Variants in SLC35A3 observed in about 807,000 individuals in gnomAD.
SLC35A3 encodes UDP-N-acetylglucosamine transporter.
A neutral mutation model predicts 39.0 loss-of-function variants in SLC35A3; 26 were observed. The observed-to-expected ratio is 0.67, with a 90% CI of 0.49 to 0.92. SLC35A3 has a LOEUF of 0.92. SLC35A3 is among the 40% of genes least tolerant of loss of function. SLC35A3 has a pLI of 0.00. For missense variants in SLC35A3, 299 were observed against 371.6 expected, an observed-to-expected ratio of 0.80 and a Z score of 1.61; for synonymous variants, 135 against 133.1, an observed-to-expected ratio of 1.01 and a Z score of -0.10.
chr1:100,015,208 A>T, intron 5 of SLC35A3, 94 bp from the exon 6 acceptor site: 46 of 1,109,976 alleles, frequency 4.1e-5, no homozygotes, highest in Non-Finnish European at 5.5e-5. Context: ...AAAAAGAAAA[A>T]GTTAAGTGTA....
At position 99,994,327 on chromosome 1, in the gene SLC35A3, T is replaced by A. The variant is rs1282042281; in HGVS notation, c.187+586T>A. 2.0e-5 allele frequency among the ~76,000 whole-genome samples: 3 copies of A among 152,254 alleles called. No homozygotes were observed. In the East Asian group the frequency reaches 5.8e-4, roughly 29 times the overall value. Reference sequence around the variant, plus strand: ...TTACAGTGTTGTACAACAGTGTAAATTTTTAAATCACTTTTATCTAAAATT... The same window carrying A: ...TTACAGTGTTGTACAACAGTGTAAAATTTTAAATCACTTTTATCTAAAATT... On this transcript the variant is annotated intron_variant, in intron 2 of 7. Coordinates refer to ENST00000533028, the MANE Select transcript of SLC35A3 (RefSeq NM_012243.3).
At chr1:100,012,309 G>T (rs1659721903) in intron 5 of SLC35A3, among the ~76,000 whole-genome samples, 1 of 152,004 alleles carries the variant, frequency 6.6e-6, no homozygotes, top group African/African-American at 2.4e-5. Flanking sequence ...CAGAGAAAAA[G>T]AAAGAAATAA....
chr1:100,015,592 A>G (rs775079790), intron 6 of SLC35A3, 172 bp downstream of exon 6: 1 of 651,860 alleles, frequency 1.5e-6, no homozygotes. Context: ...GCTGTAATGA[A>G]ATCTTATTTT....
chr1:99,970,749 G>A (rs751301707), intron 1 of SLC35A3: 2 of 737,234 alleles, frequency 2.7e-6, no homozygotes, highest in Non-Finnish European at 4.3e-6. Context: ...CTTTTATTAT[G>A]TTCTCTTAAA....
intron 4 of SLC35A3, chr1:100,009,003 C>G (rs1659438568): frequency 6.6e-6 from 1 of 152,038 alleles, no homozygotes; most frequent in Non-Finnish European, 1.5e-5. Context: ...ACAGATGACT[C>G]CTGGGAAATC....
At chr1:99,988,461 G>T (rs1419867917) in intron 1 of SLC35A3, among the ~76,000 whole-genome samples, 5 of 151,890 alleles carry the variant, frequency 3.3e-5, no homozygotes, top group African/African-American at 2.4e-5. Flanking sequence ...TTTCATTTCT[G>T]ATTTTACAAA....
At chr1:100,016,114 G>C (rs571962620) in intron 6 of SLC35A3, among the ~76,000 whole-genome samples, 1 of 150,156 alleles carries the variant, frequency 6.7e-6, no homozygotes, top group East Asian at 2.0e-4. Flanking sequence ...CACCAGGCTG[G>C]AGTGCAGTGG....
At chr1:99,998,484 A>T (rs1007854354) in intron 2 of SLC35A3, among the ~76,000 whole-genome samples, 2 of 152,094 alleles carry the variant, frequency 1.3e-5, no homozygotes, top group African/African-American at 4.8e-5. Context: ...GAGTGGGTTC[A>T]TTTGCTTCTA....
intron 7 of SLC35A3, among the ~76,000 whole-genome samples, chr1:100,020,749 G>C (rs1002194213): frequency 2.0e-5 from 3 of 152,118 alleles, no homozygotes; most frequent in Non-Finnish European, 4.4e-5. Flanking sequence ...GTTCTGCCTA[G>C]GGGAGTGAGT....
Position 100,026,342 on chromosome 1 carries a change from CATCTT to C in SLC35A3, c.*3868_*3872del, listed in dbSNP as rs1435418730. 6.6e-6 allele frequency: 1 copy of C among 151,994 alleles called. No individual in the cohort carries two copies. Among genetic ancestry groups the C allele is most frequent in the Non-Finnish European group, 1.5e-5 (1 of 67,998 alleles). The allele number at this position is 151,994 out of a possible 1,614,324, so 9.4% of individuals were successfully genotyped here. On this transcript the variant is annotated 3_prime_UTR_variant, in exon 8 of 8. Coordinates refer to ENST00000533028, the MANE Select transcript of SLC35A3 (RefSeq NM_012243.3). The stretch of plus-strand genomic sequence containing the variant: ...AAGTTATTTATGCTATATTGAAAGT[CATCTT>C]AAGAATCTCCAGGTTATTTAAAGTA...
rs1660945815 is a variant in SLC35A3 at position 100,026,953 on chromosome 1, T to G, written c.*4477T>G. On this transcript the variant is annotated 3_prime_UTR_variant, in exon 8 of 8. Transcript: ENST00000533028. Reference sequence around the variant, plus strand: ...TATTTAATAGATTTATTGAAATAGATTATTTTCATAAAGAACTCTATACAA... The same window carrying G: ...TATTTAATAGATTTATTGAAATAGAGTATTTTCATAAAGAACTCTATACAA... 2.6e-6 allele frequency: 1 copy of G among 378,562 alleles called. No individual in the cohort carries two copies. Among genetic ancestry groups the G allele is most frequent in the South Asian group, 1.5e-4 (1 of 6,828 alleles). 23.5% of individuals were successfully genotyped at this position (378,562 alleles called of 1,614,324 possible). A position where few individuals can be genotyped will look rare whatever the true frequency, so the allele number is the denominator to read the frequency against.
At chr1:99,975,310 C>T (rs6670403) in intron 1 of SLC35A3, among the ~76,000 whole-genome samples, 1,780 of 152,058 alleles carry the variant, frequency 0.012, 41 homozygotes, top group African/African-American at 0.041. Flanking sequence ...AATATTGTGG[C>T]GTTTATTTAT....
chr1:99,999,429 A>G lies in SLC35A3; in HGVS notation c.342+14A>G, dbSNP rs1213444675. The G allele has an allele frequency of 6.4e-7, 1 of 1,556,782 alleles. No homozygotes were observed. Among genetic ancestry groups the G allele is most frequent in the African/African-American group, 1.4e-5 (1 of 71,944 alleles). On this transcript the variant is annotated intron_variant, in intron 3 of 7. Coordinates refer to ENST00000533028, the MANE Select transcript of SLC35A3 (RefSeq NM_012243.3). ...GCTACTTATCAGGTACTTAAAATAC[A>G]TTTCTTTCTTTTTTAAAAAAACTTT... is the stretch of plus-strand genomic sequence containing the variant.
chr1:100,007,191 T>C (rs1287934010), intron 4 of SLC35A3, 35 bp downstream of exon 4: 3 of 1,529,330 alleles, frequency 2.0e-6, no homozygotes, highest in Non-Finnish European at 2.7e-6. Context: ...TTTTTATCTT[T>C]ATTGTGGTTT....
At chr1:99,984,997 A>T (rs1445128032) in intron 1 of SLC35A3, among the ~76,000 whole-genome samples, 2 of 152,038 alleles carry the variant, frequency 1.3e-5, no homozygotes, top group African/African-American at 4.8e-5. Context: ...TGTTTGTTGG[A>T]TGTATAGATT....
chr1:100,003,795 A>G (rs1659001461), intron 3 of SLC35A3, among the ~76,000 whole-genome samples: 1 of 152,172 alleles, frequency 6.6e-6, no homozygotes, highest in Non-Finnish European at 1.5e-5. Flanking sequence ...TAATATATCT[A>G]GGTGCTGCAG....
At chr1:100,013,125 T>G (rs1367811693) in intron 5 of SLC35A3, among the ~76,000 whole-genome samples, 1 of 152,214 alleles carries the variant, frequency 6.6e-6, no homozygotes, top group Non-Finnish European at 1.5e-5. Context: ...CTGTTCATAC[T>G]GACATGTATA....
chr1:100,006,691 G>T (rs1052876645), intron 3 of SLC35A3, among the ~76,000 whole-genome samples: 1 of 152,196 alleles, frequency 6.6e-6, no homozygotes, highest in Non-Finnish European at 1.5e-5. Flanking sequence ...GTCTGTGACA[G>T]GTGGGGCAGG....
In SLC35A3 at chr1:100,022,421, C is replaced by T; in HGVS notation, c.923C>T (p.Ala308Val). The T allele has an allele frequency of 6.2e-7, 1 of 1,604,554 alleles. No homozygotes were observed. The highest frequency in any genetic ancestry group is 2.2e-5 in the East Asian group (1 of 44,666). The change falls in exon 8 of 8, where the codon GCT becomes GTT. Residue 308 changes from alanine (A) to valine (V), a missense_variant. By Grantham distance (64) the Ala-to-Val change is moderately conservative (BLOSUM62 0). Coordinates refer to ENST00000533028, the MANE Select transcript of SLC35A3 (RefSeq NM_012243.3). ...FFLGAILVIT[A>V]TFLYGYDPKP... ...CTTGGAGCCATCCTTGTAATAACAG[C>T]TACTTTTTTGTATGGTTATGATCCC... is the stretch of plus-strand genomic sequence containing the variant.
Sources: allele counts gnomAD v4.1 joint callset (sites outside exome capture counted in the v4.1 genomes callset), GRCh38; gene constraint gnomAD v4.1.1; transcripts MANE v1.5; gene names NCBI Gene and HGNC (gene_info 2026-07-23, HGNC 2026-07-21).